DPF1: variants seen among roughly 807,000 people sequenced by gnomAD.
The protein encoded by DPF1 is double PHD fingers 1.
In DPF1, 14 loss-of-function variants were observed where a neutral mutation model predicts 58.7. The ratio of observed to expected loss-of-function variants is 0.24; its 90% CI spans 0.16 to 0.37. The LOEUF (loss-of-function observed/expected upper bound fraction) is 0.37, where lower values mean the gene tolerates loss of function less well. Among genes scored for constraint, DPF1 ranks in the 10% least tolerant of loss-of-function variants. The pLI, the probability that DPF1 is intolerant of heterozygous loss-of-function variation, is 1.00. For synonymous variants in DPF1, 216 were observed against 216.0 expected (o/e 1.00, Z 0.00); for missense variants, 345 against 529.9 (o/e 0.65, Z 3.43).
Position 38,212,078 on chromosome 19 carries a change from G to A in DPF1, c.1149C>T (p.Tyr383=), listed in dbSNP as rs1973470512. ...LRHLKEKASA[Y]ITLT ...CCGAGCCGGCCTAGGTGAGGGTGAT[G>A]TAAGCAGAAGCCTTTTCCTTCAGGT... The change falls in exon 12 of 12, where the codon TAC becomes TAT. Residue 383 remains tyrosine (Y), a synonymous_variant. Transcript: ENST00000355526. 1.2e-6 allele frequency: 2 copies of A among 1,612,126 alleles called. No individual in the cohort carries two copies. Among genetic ancestry groups the A allele is most frequent in the African/African-American group, 1.3e-5 (1 of 74,932 alleles).
At chr19:38,216,498 G>A in intron 7 of DPF1, 95 bp from the exon 8 acceptor site, 3 of 1,414,130 alleles carry the variant, frequency 2.1e-6, no homozygotes, top group East Asian at 2.4e-5. Flanking sequence ...CTTAGTCCAG[G>A]CGTGGGGAGC....
chr19:38,219,008 G>A lies in DPF1; in HGVS notation c.349C>T (p.Leu117Phe). 6.2e-7 allele frequency: 1 copy of A among 1,614,186 alleles called. No homozygotes were observed. Among genetic ancestry groups the A allele is most frequent in the Non-Finnish European group, 8.5e-7 (1 of 1,180,036 alleles). Residue 117 changes from leucine (L) to phenylalanine (F), a missense_variant, in exon 4 of 12, where the codon CTC becomes TTC. Transcript: ENST00000355526. ...GTCTCTGCACACAGTAGAGCCTCGA[G>A]GACCGGCCCTTCCGGGAGGCCACCC... ...KEGGLPEGPVLEALLCAETGE... is the reference protein window; with the variant it reads ...KEGGLPEGPVFEALLCAETGE...
rs1568326928 is a variant in DPF1 at position 38,229,393 on chromosome 19, A to T, written c.-132+166T>A. Among the ~76,000 whole-genome samples, 2 of 150,978 alleles carry T rather than the reference A, an allele frequency of 1.3e-5. No homozygotes were observed. Among genetic ancestry groups the T allele is most frequent in the Admixed American group, 1.3e-4 (2 of 15,206 alleles). On this transcript the variant is annotated intron_variant, in intron 1 of 11. Transcript: ENST00000412732. This position sits in a 1 kb window ranked among gnomAD's most constrained non-coding sequence, Gnocchi z 5.3. The stretch of plus-strand genomic sequence containing the variant: ...TGGAGGGGCTCCCGCCCCCAACCCC[A>T]GGGGGCGACAGGGGGTGGGGACCCC...
At chr19:38,213,814 G>A (rs1453599198) in intron 9 of DPF1, 58 bp from the exon 10 acceptor site, 1 of 1,445,484 alleles carries the variant, frequency 6.9e-7, no homozygotes. Context: ...GGTGGGCACT[G>A]ACCGGCAGGG....
intron 4 of DPF1, 65 bp from the exon 5 acceptor site, chr19:38,218,727 C>G: frequency 6.3e-7 from 1 of 1,586,956 alleles, no homozygotes; most frequent in South Asian, 1.1e-5. Context: ...TTGAGGGGCT[C>G]TGGGCAAAGG....
intron 11 of DPF1, 43 bp downstream of exon 11, chr19:38,212,237 T>TGGGGGGGGGGCCCCCCCCCCCCCCCCCCC: frequency 8.0e-7 from 1 of 1,256,816 alleles, no homozygotes; most frequent in Non-Finnish European, 1.1e-6. Context: ...GGAGATGGCG[T>TGGGGGGGGGGCCCCCCCCCCCCCCCCCCC]TCCCACCCAC....
At chr19:38,218,187 G>A (rs1201259704) in intron 5 of DPF1, among the ~76,000 whole-genome samples, 7 of 152,084 alleles carry the variant, frequency 4.6e-5, no homozygotes, top group African/African-American at 4.8e-5. Flanking sequence ...GTGACAGAGC[G>A]AGACTCCGTC....
chr19:38,227,050 CTTTT>C (rs1453563027), upstream of DPF1, among the ~76,000 whole-genome samples: 1 of 136,318 alleles, frequency 7.3e-6, no homozygotes, highest in East Asian at 2.1e-4. Context: ...TTCTTTCTTT[CTTTT>C]CTTCTCTTTC....
upstream of DPF1, among the ~76,000 whole-genome samples, chr19:38,228,313 C>A (rs1327780739): frequency 6.6e-6 from 1 of 150,462 alleles, no homozygotes; most frequent in Non-Finnish European, 1.5e-5. Context: ...AAACCAGAAG[C>A]AACTGGCGGC....
chr19:38,213,850 G>A (rs2146120779), intron 9 of DPF1, 94 bp from the exon 10 acceptor site: 4 of 1,036,478 alleles, frequency 3.9e-6, no homozygotes, highest in South Asian at 3.0e-5. Context: ...CCCTACCCCT[G>A]GCTCATGACG....
rs1967229710 is a variant in DPF1 at position 38,218,823 on chromosome 19, C to G, written c.426+108G>C. The stretch of plus-strand genomic sequence containing the variant: ...GGATGGTGACTGGGATGCCCAACAG[C>G]CAGAAGAAACCGGGGGGGTTTCAGA... On this transcript the variant is annotated intron_variant, in intron 4 of 11. Coordinates refer to ENST00000355526, the MANE Select transcript of DPF1 (RefSeq NM_001135155.3). 3 of 1,566,524 alleles carry G rather than the reference C, an allele frequency of 1.9e-6. 1 individual carries two copies. The highest frequency in any genetic ancestry group is 2.6e-6 in the Non-Finnish European group (3 of 1,155,708).
At chr19:38,216,032 T>A in intron 9 of DPF1, 108 bp downstream of exon 9, 1 of 1,493,032 alleles carries the variant, frequency 6.7e-7, no homozygotes, top group Non-Finnish European at 8.9e-7. Context: ...ATCCCCTACA[T>A]GCTCCGGGTC....
chr19:38,221,908 C>A (rs1461617897), intron 3 of DPF1, among the ~76,000 whole-genome samples: 1 of 151,994 alleles, frequency 6.6e-6, no homozygotes, highest in Non-Finnish European at 1.5e-5. Flanking sequence ...ATGGTGAAAC[C>A]CCGTTTCTAC....
intron 9 of DPF1, among the ~76,000 whole-genome samples, chr19:38,214,346 C>T (rs958595171): frequency 2.2e-4 from 33 of 152,230 alleles, no homozygotes; most frequent in African/African-American, 7.7e-4. Context: ...CAGCCGCTAC[C>T]TGCAGCCACG....
At position 38,222,539 on chromosome 19, in the gene DPF1, C is replaced by T. The variant is rs371254694; in HGVS notation, c.190+9G>A. Reference sequence around the variant, plus strand: ...CCGCCCCGCCCTGCGCCAGCCCTCCCGGCGGTACCCGGCCCGCGGTGGGTC... The same window carrying T: ...CCGCCCCGCCCTGCGCCAGCCCTCCTGGCGGTACCCGGCCCGCGGTGGGTC... On this transcript the variant is annotated intron_variant, in intron 2 of 11. Coordinates refer to ENST00000355526, the MANE Select transcript of DPF1 (RefSeq NM_001135155.3). This position sits in a 1 kb window ranked among gnomAD's most constrained non-coding sequence, Gnocchi z 4.9. 89 of 1,604,186 alleles carry T rather than the reference C, an allele frequency of 5.5e-5. No homozygotes were observed. The South Asian group carries it at 7.2e-4, about 13-fold the overall frequency.
chr19:38,227,532 C>A (rs1173455075), upstream of DPF1, among the ~76,000 whole-genome samples: 1 of 152,158 alleles, frequency 6.6e-6, no homozygotes, highest in African/African-American at 2.4e-5. Context: ...AATCCTCCTG[C>A]CCCATCCCCC....
At chr19:38,213,334 T>C (rs1973596782) in intron 10 of DPF1, among the ~76,000 whole-genome samples, 1 of 152,202 alleles carries the variant, frequency 6.6e-6, no homozygotes, top group African/African-American at 2.4e-5. Context: ...GCAGTGGTCA[T>C]GGCTTTAAAT....
At chr19:38,217,336 G>C in intron 7 of DPF1, 124 bp downstream of exon 7, 1 of 1,327,078 alleles carries the variant, frequency 7.5e-7, no homozygotes. Context: ...TCGGTGGGGG[G>C]AGGGAACGGC....
upstream of DPF1, among the ~76,000 whole-genome samples, chr19:38,227,723 C>T (rs1967888367): frequency 6.6e-6 from 1 of 152,232 alleles, no homozygotes; most frequent in Non-Finnish European, 1.5e-5. Context: ...CCCCCATACA[C>T]AGATGGCAAA....
Sources: gnomAD v4.1 joint callset for allele counts (sites outside exome capture counted in the v4.1 genomes callset) on GRCh38, gnomAD v4.1.1 for gene constraint, Gnocchi (gnomAD v3.1) non-coding constraint, MANE v1.5 for transcripts, NCBI Gene and HGNC (gene_info 2026-07-23, HGNC 2026-07-21) for gene names.